Variants in INTS9 observed in about 807,000 individuals in gnomAD.
INTS9 encodes protein related to CPSF subunits of 74 kDa.
Under a neutral mutation model 79.7 loss-of-function variants are expected in INTS9, and 55 were observed. The observed-to-expected ratio is 0.69, with a 90% CI of 0.56 to 0.86. The LOEUF is 0.86. INTS9 is among the 40% of genes least tolerant of loss of function. The pLI, the probability that INTS9 is intolerant of heterozygous loss-of-function variation, is 0.00. For synonymous variants in INTS9, 319 were observed against 325.2 expected, an observed-to-expected ratio of 0.98 and a Z score of 0.20; for missense variants, 721 against 831.5, an observed-to-expected ratio of 0.87 and a Z score of 1.64.
chr8:28,841,465 C>G (rs977320206), intron 4 of INTS9, among the ~76,000 whole-genome samples: 1 of 152,130 alleles, frequency 6.6e-6, no homozygotes, highest in Admixed American at 6.6e-5. Context: ...CTTTAAGAAC[C>G]AGCCCACAGA....
rs868538692 is a variant in INTS9 at position 28,792,422 on chromosome 8, T to C, written c.1037+1385A>G. 3.3e-5 allele frequency among the ~76,000 whole-genome samples: 5 copies of C among 151,910 alleles called. No individual in the cohort carries two copies. In the South Asian group the frequency reaches 1.0e-3, roughly 32 times the overall value. ...AGGCAAGAATTTTCTAAACATAGTA[T>C]CAACAGAAGAAACTGCAAAAGAGAC... On this transcript the variant is annotated intron_variant, in intron 10 of 16. Coordinates refer to ENST00000521022, the MANE Select transcript of INTS9 (RefSeq NM_018250.4).
intron 1 of INTS9, chr8:28,862,271 C>T: frequency 4.2e-6 from 4 of 950,332 alleles, no homozygotes; most frequent in Non-Finnish European, 5.0e-6. Flanking sequence ...TCACACCAAT[C>T]TGATTATCAT....
chr8:28,883,607 T>C lies in INTS9; in HGVS notation c.9+6267A>G, dbSNP rs573607238. On this transcript the variant is annotated intron_variant, in intron 1 of 16. Transcript: ENST00000521022. ...ATACAATTAAATACAGTTTTGACCA[T>C]TACATGTAACAAAAATATTTGAGCC... 2.6e-4 allele frequency among the ~76,000 whole-genome samples: 39 copies of C among 152,360 alleles called. 1 individual carries two copies. In the South Asian group the frequency reaches 7.7e-3, roughly 30 times the overall value.
chr8:28,779,743 G>A (rs1366371430), intron 12 of INTS9, among the ~76,000 whole-genome samples: 1 of 152,160 alleles, frequency 6.6e-6, no homozygotes, highest in African/African-American at 2.4e-5. Flanking sequence ...TTGCTGAAAT[G>A]AGGCAATAAA....
Position 28,769,972 on chromosome 8 carries a change from C to T in INTS9, c.1717G>A (p.Asp573Asn), listed in dbSNP as rs750213826. 9 of 1,614,072 alleles carry T rather than the reference C, an allele frequency of 5.6e-6. No homozygotes were observed. The highest frequency in any genetic ancestry group is 1.1e-5 in the South Asian group (1 of 91,092). Residue 573 changes from aspartate to asparagine, a missense_variant, in exon 16 of 17, where the codon GAT becomes AAT. Transcript: ENST00000521022. ...AGGACTTTGCAGTCTGGTACGTCAT[C>T]GCTCACCCGCTTTCTCTTCTTCCCG... ...TSGKKRKRVSDDVPDCKVLKP... is the reference protein window; with the variant it reads ...TSGKKRKRVSNDVPDCKVLKP...
intron 8 of INTS9, among the ~76,000 whole-genome samples, chr8:28,811,189 A>T (rs1805109422): frequency 6.7e-6 from 1 of 148,846 alleles, no homozygotes; most frequent in African/African-American, 2.5e-5. Flanking sequence ...GTACAGCAGC[A>T]TGATCTCAGC....
Position 28,846,255 on chromosome 8 carries a change from C to T in INTS9, c.261+492G>A, listed in dbSNP as rs529225690. ...CTGGCCCCACACCCTAACAGCAAGTCTCACTGTGATAATAATATGTAAGTG... is the reference window on the plus strand; with the variant it reads ...CTGGCCCCACACCCTAACAGCAAGTTTCACTGTGATAATAATATGTAAGTG... On this transcript the variant is annotated intron_variant, in intron 4 of 16. Coordinates refer to ENST00000521022, the MANE Select transcript of INTS9 (RefSeq NM_018250.4). 2.6e-5 allele frequency among the ~76,000 whole-genome samples: 4 copies of T among 152,328 alleles called. No homozygotes were observed. In the South Asian group the frequency reaches 8.3e-4, roughly 32 times the overall value.
chr8:28,798,311 C>T (rs1049903350), intron 8 of INTS9: 2 of 152,168 alleles, frequency 1.3e-5, no homozygotes, highest in African/African-American at 4.8e-5. Context: ...TGCAAGGAAA[C>T]CAGAATGGTG....
At chr8:28,775,461 G>A (rs865896155) in intron 14 of INTS9, among the ~76,000 whole-genome samples, 2 of 152,080 alleles carry the variant, frequency 1.3e-5, no homozygotes, top group Non-Finnish European at 2.9e-5. Context: ...TCAGCCTCAC[G>A]AGTAGCTGGG....
chr8:28,772,028 TTTA>T (rs1333474346), intron 14 of INTS9, among the ~76,000 whole-genome samples: 2 of 152,082 alleles, frequency 1.3e-5, no homozygotes. Context: ...GCCTGGCTAA[TTTA>T]TTATTTTTTT....
rs182911116 is a variant in INTS9 at position 28,835,761 on chromosome 8, G to A, written c.402-383C>T. On this transcript the variant is annotated intron_variant, in intron 5 of 16. Transcript: ENST00000521022. Reference sequence around the variant, plus strand: ...CTGTCAGGTATCTAATTTTGGTGACGTAGTAGGGTGTGGGCAGGACTGTTT... The same window carrying A: ...CTGTCAGGTATCTAATTTTGGTGACATAGTAGGGTGTGGGCAGGACTGTTT... 4.6e-3 allele frequency among the ~76,000 whole-genome samples: 704 copies of A among 151,698 alleles called. 4 individuals are homozygous for A. The highest frequency in any genetic ancestry group is 0.016 in the African/African-American group (654 of 41,372).
intron 8 of INTS9, among the ~76,000 whole-genome samples, chr8:28,809,241 G>A (rs148937230): frequency 3.9e-5 from 6 of 152,264 alleles, no homozygotes; most frequent in African/African-American, 1.4e-4. Context: ...TTACAGGCAT[G>A]AGCCACCTTG....
chr8:28,842,493 T>C (rs1286896689), intron 4 of INTS9, among the ~76,000 whole-genome samples: 1 of 152,222 alleles, frequency 6.6e-6, no homozygotes, highest in African/African-American at 2.4e-5. Flanking sequence ...TCTGCCAGAC[T>C]GTCTAATGTC....
At chr8:28,795,454 A>G (rs1197805006) in intron 9 of INTS9, among the ~76,000 whole-genome samples, 2 of 152,092 alleles carry the variant, frequency 1.3e-5, no homozygotes, top group Non-Finnish European at 2.9e-5. Context: ...AGATGGGCCA[A>G]CATAGTGAAA....
intron 6 of INTS9, among the ~76,000 whole-genome samples, chr8:28,832,523 G>A (rs1806553891): frequency 6.6e-6 from 1 of 152,218 alleles, no homozygotes; most frequent in South Asian, 2.1e-4. Context: ...TGCATAAGAG[G>A]TGGCCCAGCA....
intron 6 of INTS9, among the ~76,000 whole-genome samples, chr8:28,826,007 T>G (rs1406461827): frequency 1.3e-5 from 2 of 152,204 alleles, no homozygotes; most frequent in Admixed American, 1.3e-4. Context: ...CATGGGCCAG[T>G]AGTGAGCATT....
intron 13 of INTS9, 104 bp downstream of exon 13, chr8:28,777,725 C>G (rs1802975233): frequency 7.5e-7 from 1 of 1,329,630 alleles, no homozygotes; most frequent in Non-Finnish European, 1.0e-6. Context: ...GAACTGAAGA[C>G]AAGAATCAAA....
At chr8:28,832,143 G>A (rs1370508819) in intron 6 of INTS9, among the ~76,000 whole-genome samples, 1 of 152,196 alleles carries the variant, frequency 6.6e-6, no homozygotes, top group Non-Finnish European at 1.5e-5. Flanking sequence ...AAGTCCTGAG[G>A]TTTCTAAGAG....
intron 3 of INTS9, among the ~76,000 whole-genome samples, 187 bp from the exon 4 acceptor site, chr8:28,846,996 G>A (rs1361080443): frequency 6.6e-6 from 1 of 152,152 alleles, no homozygotes. Flanking sequence ...CTTATTAAGG[G>A]TAAAATGCTG....
Sources: allele counts gnomAD v4.1 joint callset (sites outside exome capture counted in the v4.1 genomes callset), GRCh38; gene constraint gnomAD v4.1.1; transcripts MANE v1.5; gene names NCBI Gene and HGNC (gene_info 2026-07-23, HGNC 2026-07-21).